Variants in PPHLN1 observed in about 807,000 individuals in gnomAD.
PPHLN1 encodes periphilin-1.
Under a neutral mutation model 51.3 loss-of-function variants are expected in PPHLN1, and 29 were observed. The observed-to-expected ratio is 0.57, with a 90% CI of 0.42 to 0.77. The LOEUF (loss-of-function observed/expected upper bound fraction) is 0.77. PPHLN1 is among the 30% of genes least tolerant of loss of function. The pLI, the probability that PPHLN1 is intolerant of heterozygous loss-of-function variation, is 0.00. For synonymous variants in PPHLN1, 147 were observed against 147.8 expected, an observed-to-expected ratio of 0.99 and a Z score of 0.04; for missense variants, 436 against 438.4, an observed-to-expected ratio of 0.99 and a Z score of 0.05.
intron 4 of PPHLN1, among the ~76,000 whole-genome samples, chr12:42,371,424 T>A (rs975542030): frequency 6.6e-6 from 1 of 152,172 alleles, no homozygotes; most frequent in Non-Finnish European, 1.5e-5. Context: ...GGCCAACTCC[T>A]AGGTCTTAAA....
At chr12:42,380,732 G>A (rs1428993678) in intron 5 of PPHLN1, among the ~76,000 whole-genome samples, 1 of 152,060 alleles carries the variant, frequency 6.6e-6, no homozygotes, top group African/African-American at 2.4e-5. Context: ...ATGCAGATTT[G>A]AAGAGGTAAT....
chr12:42,361,886 T>C (rs779633779), intron 4 of PPHLN1, among the ~76,000 whole-genome samples: 2 of 152,198 alleles, frequency 1.3e-5, no homozygotes, highest in Non-Finnish European at 2.9e-5. Context: ...GTTTTTTGGG[T>C]ACATATGTAA....
At chr12:42,379,815 C>T (rs2076610021) in intron 5 of PPHLN1, among the ~76,000 whole-genome samples, 1 of 151,926 alleles carries the variant, frequency 6.6e-6, no homozygotes. Context: ...TATATTAGCA[C>T]CTGATAAGAA....
chr12:42,430,727 C>A (rs2139845478), intron 9 of PPHLN1, among the ~76,000 whole-genome samples: 1 of 152,270 alleles, frequency 6.6e-6, no homozygotes, highest in South Asian at 2.1e-4. Context: ...CTCCTGACCT[C>A]AGGTGATCTA....
At chr12:42,348,673 G>C (rs1408362951) in intron 2 of PPHLN1, among the ~76,000 whole-genome samples, 3 of 152,006 alleles carry the variant, frequency 2.0e-5, no homozygotes, top group Non-Finnish European at 4.4e-5. Flanking sequence ...CCAAATAATC[G>C]TATACAAACA....
rs531435648 is a variant in PPHLN1 at position 42,351,825 on chromosome 12, C to G, written c.73-60C>G. The G allele has an allele frequency of 4.2e-6, 6 of 1,430,728 alleles. No individual in the cohort carries two copies. In the East Asian group the frequency reaches 1.1e-4, roughly 26 times the overall value. The allele number at this position is 1,430,728 out of a possible 1,614,324, so 88.6% of individuals were successfully genotyped here. A position where few individuals can be genotyped will look rare whatever the true frequency, so the allele number is the denominator to read the frequency against. On this transcript the variant is annotated intron_variant, in intron 2 of 9. Transcript: ENST00000358314. ...AAGAACTCCTGTGCTTTTTAAAAACCTTTCCAAAACCAAATAGAGAAATTA... is the reference window on the plus strand; with the variant it reads ...AAGAACTCCTGTGCTTTTTAAAAACGTTTCCAAAACCAAATAGAGAAATTA...
intron 6 of PPHLN1, among the ~76,000 whole-genome samples, chr12:42,386,821 A>C (rs2077234567): frequency 6.6e-6 from 1 of 152,230 alleles, no homozygotes; most frequent in Non-Finnish European, 1.5e-5. Flanking sequence ...AAGTTTCTAT[A>C]AAAAATAATA....
chr12:42,400,087 C>G (rs1234642638), intron 9 of PPHLN1: 2 of 151,534 alleles, frequency 1.3e-5, no homozygotes, highest in Admixed American at 1.3e-4. Context: ...ATAATGGATG[C>G]TCTGTGAAAA....
At chr12:42,339,855 C>T (rs1434120547) in intron 2 of PPHLN1, among the ~76,000 whole-genome samples, 3 of 58,046 alleles carry the variant, frequency 5.2e-5, no homozygotes, top group Admixed American at 5.0e-4. Flanking sequence ...GTAACAAAGT[C>T]ACAGATACAT....
Position 42,388,993 on chromosome 12 carries a change from C to G in PPHLN1, c.648+1458C>G, listed in dbSNP as rs1263932991. ...GTGGCTTACGCCGGTAATCCCAGCA[C>G]TTTGGGAGGCTGAGGCGGGTGGATC... On this transcript the variant is annotated intron_variant, in intron 7 of 9. Coordinates refer to ENST00000358314, the MANE Select transcript of PPHLN1 (RefSeq NM_201439.2). Among the ~76,000 whole-genome samples the G allele has an allele frequency of 2.0e-5, 3 of 152,190 alleles. No individual in the cohort carries two copies. In the East Asian group the frequency reaches 5.8e-4, roughly 29 times the overall value.
chr12:42,355,266 T>C (rs2073901657), intron 4 of PPHLN1, 44 bp downstream of exon 4: 1 of 1,509,836 alleles, frequency 6.6e-7, no homozygotes, highest in Non-Finnish European at 9.2e-7. Context: ...GATACTTGAC[T>C]CACTGTGATG....
In PPHLN1 at chr12:42,408,320, C is replaced by T. The variant is rs570254384; in HGVS notation, c.909+9326C>T. 1.2e-4 allele frequency among the ~76,000 whole-genome samples: 18 copies of T among 151,416 alleles called. No individual in the cohort carries two copies. In the East Asian group the frequency reaches 2.3e-3, roughly 20 times the overall value. On this transcript the variant is annotated intron_variant, in intron 9 of 9. Transcript: ENST00000358314. ...GGTCAGGAGTTTGAGACCAACCTGA[C>T]CAACGTGGCAAAACCCTGTCTGTAC...
At chr12:42,400,771 C>G (rs1010351209) in intron 9 of PPHLN1, among the ~76,000 whole-genome samples, 1 of 145,976 alleles carries the variant, frequency 6.9e-6, no homozygotes, top group Non-Finnish European at 1.5e-5. Flanking sequence ...CTCTCTCTCT[C>G]TCTTTCTCTC....
At chr12:42,404,835 C>T (rs1488823489) in intron 9 of PPHLN1, among the ~76,000 whole-genome samples, 1 of 152,140 alleles carries the variant, frequency 6.6e-6, no homozygotes, top group Admixed American at 6.5e-5. Flanking sequence ...CAAGACCAGC[C>T]TCACCAACAT....
chr12:42,378,079 TATC>T, intron 5 of PPHLN1, among the ~76,000 whole-genome samples: 1 of 150,970 alleles, frequency 6.6e-6, no homozygotes, highest in Non-Finnish European at 1.5e-5. Context: ...TCTAGCTATC[TATC>T]TATCTTTCTC....
At chr12:42,444,273 G>A (rs771654623), downstream of PPHLN1, 5 of 151,580 alleles carry the variant, frequency 3.3e-5, no homozygotes, top group South Asian at 4.2e-4. Context: ...ATTGCTAGGC[G>A]ATATTAACTA....
chr12:42,338,417 C>T (rs1346894493), intron 2 of PPHLN1, among the ~76,000 whole-genome samples: 1 of 152,096 alleles, frequency 6.6e-6, no homozygotes, highest in African/African-American at 2.4e-5. Flanking sequence ...GTTGAAGGTG[C>T]TGACCCAGAA....
intron 9 of PPHLN1, among the ~76,000 whole-genome samples, chr12:42,435,065 TTGGAATTATTTCTTTTTTATATG>T (rs1379043602): frequency 6.6e-6 from 1 of 152,242 alleles, no homozygotes; most frequent in African/African-American, 2.4e-5. Flanking sequence ...ATTACATTAT[TTGGAATTATTTCTTTTTTATATG>T]TGGAATTATT....
At chr12:42,355,511 C>T in intron 4 of PPHLN1, 3 of 242,418 alleles carry the variant, frequency 1.2e-5, no homozygotes, top group Non-Finnish European at 2.4e-5. Flanking sequence ...CCAAGGCGGG[C>T]AAATCACTTG....
Sources: gnomAD v4.1 joint callset for allele counts (sites outside exome capture counted in the v4.1 genomes callset) on GRCh38, gnomAD v4.1.1 for gene constraint, MANE v1.5 for transcripts, NCBI Gene and HGNC (gene_info 2026-07-23, HGNC 2026-07-21) for gene names.